Variants in MEGF11 observed in about 807,000 individuals in gnomAD.
The protein encoded by MEGF11 is multiple epidermal growth factor-like domains protein 11.
Under a neutral mutation model 146.6 loss-of-function variants are expected in MEGF11, and 126 were observed. The ratio of observed to expected loss-of-function variants is 0.86; its 90% CI spans 0.74 to 1.00. The LOEUF is 1.00. MEGF11 is among the 50% of genes least tolerant of loss of function. MEGF11 has a pLI of 0.00. For synonymous variants in MEGF11, 532 were observed against 583.4 expected, an observed-to-expected ratio of 0.91 and a Z score of 1.27; for missense variants, 1,509 against 1,521.2, an observed-to-expected ratio of 0.99 and a Z score of 0.13.
chr15:66,045,481 C>T (rs2084168730), intron 5 of MEGF11, among the ~76,000 whole-genome samples: 1 of 152,216 alleles, frequency 6.6e-6, no homozygotes, highest in South Asian at 2.1e-4. Flanking sequence ...TGCTCTGATT[C>T]AGGACCCCTT....
chr15:65,929,726 A>T lies in MEGF11; in HGVS notation c.1566T>A (p.Pro522=). The T allele has an allele frequency of 6.4e-7, 1 of 1,551,346 alleles. No homozygotes were observed. Among genetic ancestry groups the T allele is most frequent in the Non-Finnish European group, 8.7e-7 (1 of 1,146,794 alleles). ...TCCCCACCCTGGCACTCACCGGGCA[A>T]GGCAGCTCACAGGTGTCTCCCAGCC... ...PGWLGDTCEL[P]CPDGTFGLNC... The change falls in exon 12 of 26, where the codon CCT becomes CCA. Residue 522 remains proline (P), a synonymous_variant. Coordinates refer to ENST00000395614, the MANE Select transcript of MEGF11 (RefSeq NM_001385028.1).
intron 5 of MEGF11, among the ~76,000 whole-genome samples, chr15:66,051,792 C>T (rs1172051435): frequency 6.6e-6 from 1 of 152,192 alleles, no homozygotes; most frequent in Non-Finnish European, 1.5e-5. Context: ...TGGTCGATTT[C>T]GGCATCTCTG....
intron 5 of MEGF11, among the ~76,000 whole-genome samples, chr15:66,043,752 AC>A (rs1318421085): frequency 3.9e-5 from 6 of 152,336 alleles, no homozygotes; most frequent in African/African-American, 1.2e-4. Context: ...CAACAGACAC[AC>A]CCAGTTTCTA....
chr15:65,903,513 C>G (rs992169147), intron 24 of MEGF11, among the ~76,000 whole-genome samples: 2 of 152,174 alleles, frequency 1.3e-5, no homozygotes, highest in Non-Finnish European at 2.9e-5. Context: ...CTCAGAGATG[C>G]TGTTAGTACA....
chr15:65,913,406 G>A (rs138793391), intron 20 of MEGF11: 138 of 420,874 alleles, frequency 3.3e-4, no homozygotes, highest in Non-Finnish European at 3.9e-4. Flanking sequence ...CATCAGGTTG[G>A]GGAGACAGTC....
intron 5 of MEGF11, among the ~76,000 whole-genome samples, chr15:66,089,686 T>G (rs1448021652): frequency 6.6e-6 from 1 of 152,244 alleles, no homozygotes; most frequent in African/African-American, 2.4e-5. Flanking sequence ...TCCTTCTCCG[T>G]ACAGCTGAAA....
chr15:66,001,441 G>T (rs1221349549), intron 5 of MEGF11, among the ~76,000 whole-genome samples: 1 of 152,096 alleles, frequency 6.6e-6, no homozygotes, highest in Non-Finnish European at 1.5e-5. Flanking sequence ...CCGGGTAGAG[G>T]ATGCTGTCAC....
intron 10 of MEGF11, among the ~76,000 whole-genome samples, chr15:65,939,492 CTTTTTTTTT>C (rs869271515): frequency 1.5e-5 from 2 of 135,018 alleles, no homozygotes; most frequent in African/African-American, 5.5e-5. Context: ...CAGCTCCCAA[CTTTTTTTTT>C]TTTTTTTTTT....
chr15:66,253,532 C>T (rs1018031865), intron 1 of MEGF11, 73 bp downstream of exon 1: 2 of 152,154 alleles, frequency 1.3e-5, no homozygotes, highest in Admixed American at 6.5e-5. Context: ...GGCCGGAACC[C>T]CCACCCCCGC....
At chr15:66,177,746 G>T in intron 1 of MEGF11, among the ~76,000 whole-genome samples, 1 of 150,868 alleles carries the variant, frequency 6.6e-6, no homozygotes. Flanking sequence ...GTGCAGTGGC[G>T]GAATCACAGC....
intron 1 of MEGF11, among the ~76,000 whole-genome samples, chr15:66,169,488 A>G (rs2090187794): frequency 6.6e-6 from 1 of 152,190 alleles, no homozygotes; most frequent in African/African-American, 2.4e-5. Flanking sequence ...ATCATTTCTC[A>G]TGGTTTGGAA....
chr15:66,002,111 T>C (rs1336042961), intron 5 of MEGF11, among the ~76,000 whole-genome samples: 3 of 152,052 alleles, frequency 2.0e-5, no homozygotes, highest in Non-Finnish European at 4.4e-5. Context: ...AGTGTAAAAG[T>C]GGATCTGTTA....
chr15:65,913,417 C>T (rs888456066), intron 20 of MEGF11: 1 of 459,242 alleles, frequency 2.2e-6, no homozygotes, highest in Non-Finnish European at 4.0e-6. Context: ...GGAGACAGTC[C>T]TCTGGAGAGC....
intron 1 of MEGF11, among the ~76,000 whole-genome samples, chr15:66,251,290 C>G (rs1197702501): frequency 6.6e-6 from 1 of 152,194 alleles, no homozygotes; most frequent in Admixed American, 6.5e-5. Flanking sequence ...GAAACCTACC[C>G]GAGGATCAGC....
intron 2 of MEGF11, among the ~76,000 whole-genome samples, chr15:66,126,079 G>C (rs1339942300): frequency 6.6e-6 from 1 of 152,210 alleles, no homozygotes; most frequent in African/African-American, 2.4e-5. Flanking sequence ...ATTAATCTTG[G>C]ACGGCCAGGC....
chr15:66,225,597 C>T (rs79154266), intron 1 of MEGF11, among the ~76,000 whole-genome samples: 59 of 152,284 alleles, frequency 3.9e-4, no homozygotes, highest in Admixed American at 1.1e-3. Context: ...CACACACCAG[C>T]GTTATGTTTA....
intron 21 of MEGF11, 85 bp from the exon 22 acceptor site, chr15:65,909,891 A>C: frequency 8.4e-7 from 1 of 1,196,640 alleles, no homozygotes; most frequent in African/African-American, 1.5e-5. Flanking sequence ...TTCAGTGCAC[A>C]CACCCTGTAA....
At chr15:66,195,448 G>A (rs917823091) in intron 1 of MEGF11, among the ~76,000 whole-genome samples, 2 of 152,186 alleles carry the variant, frequency 1.3e-5, no homozygotes, top group Non-Finnish European at 2.9e-5. Flanking sequence ...GTCCTAGCCT[G>A]GGTTCCCCCA....
At chr15:65,921,170 A>G (rs1368631624) in intron 15 of MEGF11, among the ~76,000 whole-genome samples, 2 of 152,200 alleles carry the variant, frequency 1.3e-5, no homozygotes, top group African/African-American at 2.4e-5. Flanking sequence ...TCATCAAAAG[A>G]ATGGGTTCCC....
Sources: allele counts gnomAD v4.1 joint callset (sites outside exome capture counted in the v4.1 genomes callset), GRCh38; gene constraint gnomAD v4.1.1; transcripts MANE v1.5; gene names NCBI Gene and HGNC (gene_info 2026-07-23, HGNC 2026-07-21).